Variants in PRKG2 observed in about 807,000 individuals in gnomAD.
PRKG2 encodes cGMP-dependent protein kinase 2.
Under a neutral mutation model 97.2 loss-of-function variants are expected in PRKG2, and 33 were observed. The observed-to-expected ratio is 0.34, with a 90% confidence interval of 0.26 to 0.45. PRKG2 has a LOEUF of 0.45. PRKG2 is among the 20% of genes least tolerant of loss of function. The pLI, the probability that PRKG2 is intolerant of heterozygous loss-of-function variation, is 1.00. For synonymous variants in PRKG2, 330 were observed against 321.8 expected, an observed-to-expected ratio of 1.03 and a Z score of -0.27; for missense variants, 638 against 900.0, an observed-to-expected ratio of 0.71 and a Z score of 3.73.
intron 12 of PRKG2, among the ~76,000 whole-genome samples, chr4:81,138,642 T>C (rs1746956241): frequency 6.6e-6 from 1 of 152,184 alleles, no homozygotes; most frequent in African/African-American, 2.4e-5. Context: ...CATATAGATA[T>C]AGCTTAGAAC....
chr4:81,156,654 C>T (rs1458652388), intron 6 of PRKG2, among the ~76,000 whole-genome samples: 2 of 152,106 alleles, frequency 1.3e-5, no homozygotes, highest in Non-Finnish European at 1.5e-5. Flanking sequence ...GCCACACCTA[C>T]TCCAAAATTG....
intron 14 of PRKG2, among the ~76,000 whole-genome samples, chr4:81,119,862 G>A (rs997626997): frequency 9.2e-5 from 14 of 152,014 alleles, no homozygotes; most frequent in African/African-American, 3.4e-4. Flanking sequence ...TTTTAGTAGA[G>A]ACGGCGTTTC....
intron 14 of PRKG2, among the ~76,000 whole-genome samples, chr4:81,132,135 G>C (rs568353275): frequency 4.6e-5 from 7 of 151,704 alleles, no homozygotes; most frequent in African/African-American, 1.7e-4. Flanking sequence ...TTTTACATAT[G>C]AAATTTACTC....
intron 14 of PRKG2, among the ~76,000 whole-genome samples, chr4:81,116,837 T>C (rs1190053698): frequency 6.6e-6 from 1 of 152,114 alleles, no homozygotes; most frequent in Non-Finnish European, 1.5e-5. Flanking sequence ...TGTCTGTTCA[T>C]GTCCCTTGCC....
chr4:81,144,474 T>C (rs1214591287), intron 9 of PRKG2, 144 bp from the exon 10 acceptor site: 7 of 645,548 alleles, frequency 1.1e-5, no homozygotes, highest in Admixed American at 2.9e-5. Context: ...TTGAAGTTGA[T>C]GTAATATGTA....
intron 18 of PRKG2, among the ~76,000 whole-genome samples, chr4:81,091,383 C>T (rs556428577): frequency 2.6e-5 from 4 of 152,030 alleles, no homozygotes; most frequent in East Asian, 3.9e-4. Context: ...CCTGAGTTCA[C>T]GCCATTCTCC....
At chr4:81,145,476 C>G (rs548510398) in intron 9 of PRKG2, among the ~76,000 whole-genome samples, 85 of 152,222 alleles carry the variant, frequency 5.6e-4, no homozygotes, top group Middle Eastern at 3.4e-3. Flanking sequence ...TTTTACCTTA[C>G]TTTAGTAGTT....
At chr4:81,180,082 GAGATCGCACCA>G (rs1250678457) in intron 2 of PRKG2, among the ~76,000 whole-genome samples, 16 of 152,134 alleles carry the variant, frequency 1.1e-4, no homozygotes, top group Admixed American at 3.3e-4. Context: ...GCAGTGAGCT[GAGATCGCACCA>G]TTGCACTCCA....
chr4:81,186,377 G>C (rs532355283), intron 2 of PRKG2, among the ~76,000 whole-genome samples: 7 of 152,214 alleles, frequency 4.6e-5, no homozygotes, highest in Non-Finnish European at 8.8e-5. Flanking sequence ...TGACTACTGG[G>C]TAAATAACAA....
chr4:81,169,868 G>A (rs772002085), intron 4 of PRKG2, 100 bp from the exon 5 acceptor site: 13 of 673,260 alleles, frequency 1.9e-5, no homozygotes, highest in South Asian at 2.8e-5. Flanking sequence ...TTATAAAATG[G>A]TACTTCTTGG....
chr4:81,154,522 A>ATGGC (rs1553925242), intron 6 of PRKG2, among the ~76,000 whole-genome samples: 3 of 136,082 alleles, frequency 2.2e-5, no homozygotes, highest in Admixed American at 6.9e-5. Flanking sequence ...GACACCTCAC[A>ATGGC]CGGCAGGGTA....
chr4:81,118,730 C>CA (rs1216506204), intron 14 of PRKG2, among the ~76,000 whole-genome samples: 7 of 152,248 alleles, frequency 4.6e-5, no homozygotes, highest in African/African-American at 1.7e-4. Flanking sequence ...TTCTCCCAGT[C>CA]AGTGGCTTGT....
chr4:81,215,336 G>T (rs1355792827), upstream of PRKG2, among the ~76,000 whole-genome samples: 1 of 152,208 alleles, frequency 6.6e-6, no homozygotes, highest in Non-Finnish European at 1.5e-5. Context: ...GGGGTCACCC[G>T]CGCCCGCACG....
intron 9 of PRKG2, among the ~76,000 whole-genome samples, chr4:81,145,095 T>C (rs1262838407): frequency 6.6e-6 from 1 of 152,252 alleles, no homozygotes; most frequent in East Asian, 1.9e-4. Flanking sequence ...TATAGCAGTA[T>C]GATTTATATT....
intron 14 of PRKG2, among the ~76,000 whole-genome samples, chr4:81,121,591 CTTCACAG>C (rs147703538): frequency 0.039 from 5,902 of 152,156 alleles, 398 homozygotes; most frequent in African/African-American, 0.14. Flanking sequence ...ACACAGAGCT[CTTCACAG>C]TTCACAGTAT....
intron 15 of PRKG2, among the ~76,000 whole-genome samples, chr4:81,109,386 T>C (rs1485783977): frequency 1.3e-5 from 2 of 152,172 alleles, no homozygotes; most frequent in African/African-American, 4.8e-5. Flanking sequence ...AAATTAAGAC[T>C]GAGAATATTT....
At chr4:81,124,250 T>C (rs1046551665) in intron 14 of PRKG2, among the ~76,000 whole-genome samples, 4 of 152,256 alleles carry the variant, frequency 2.6e-5, no homozygotes, top group African/African-American at 9.6e-5. Context: ...CTAGCTTCTA[T>C]TGTTGCTGTT....
chr4:81,197,209 C>T (rs938174562), intron 2 of PRKG2, among the ~76,000 whole-genome samples: 2 of 152,150 alleles, frequency 1.3e-5, no homozygotes, highest in African/African-American at 2.4e-5. Context: ...GCTATTTCTA[C>T]TACAGTCCTT....
intron 14 of PRKG2, among the ~76,000 whole-genome samples, chr4:81,118,162 G>A (rs539984634): frequency 9.9e-5 from 15 of 151,904 alleles, no homozygotes; most frequent in Non-Finnish European, 1.5e-4. Flanking sequence ...ATCTTTTCGC[G>A]GCTTGATAAC....
Sources: allele counts gnomAD v4.1 joint callset (sites outside exome capture counted in the v4.1 genomes callset), GRCh38; gene constraint gnomAD v4.1.1; transcripts MANE v1.5; gene names NCBI Gene and HGNC (gene_info 2026-07-23, HGNC 2026-07-21).